MMP26: variants seen among roughly 807,000 people sequenced by gnomAD.
MMP26 encodes matrix metallopeptidase 26, also known as matrix metalloproteinase-26.
MMP26 carries 33 observed loss-of-function variants against 31.0 expected under a neutral mutation model. The observed-to-expected ratio is 1.06, with a 90% CI of 0.81 to 1.42. The LOEUF is 1.42. Ranked by LOEUF, MMP26 falls within the 40% of genes most tolerant of loss-of-function variation. MMP26 has a pLI of 0.00. For synonymous variants in MMP26, 122 were observed against 114.9 expected, an observed-to-expected ratio of 1.06 and a Z score of -0.40; for missense variants, 347 against 316.1, an observed-to-expected ratio of 1.10 and a Z score of -0.74.
At chr11:4,719,587 C>A (rs1847983988) in intron 1 of MMP26, 1 of 152,318 alleles carries the variant, frequency 6.6e-6, no homozygotes, top group South Asian at 2.1e-4. Context: ...TTTTTCTAGT[C>A]TTTGTCATTT....
intron 2 of MMP26, among the ~76,000 whole-genome samples, chr11:4,826,933 A>G (rs12787796): frequency 0.1 from 15,939 of 152,166 alleles, 1,024 homozygotes; most frequent in Middle Eastern, 0.17. Flanking sequence ...CCTTTTTCCC[A>G]TTGCTGAAAG....
intron 2 of MMP26, among the ~76,000 whole-genome samples, chr11:4,822,954 A>G (rs558036637): frequency 2.6e-5 from 4 of 152,174 alleles, no homozygotes; most frequent in Non-Finnish European, 5.9e-5. Flanking sequence ...TGTTAGCTGA[A>G]GAGTTAAAAG....
intron 2 of MMP26, among the ~76,000 whole-genome samples, chr11:4,979,075 T>C (rs1414444337): frequency 1.3e-5 from 2 of 152,048 alleles, no homozygotes; most frequent in Non-Finnish European, 2.9e-5. Context: ...AGCTAAAACC[T>C]TCAGACATGA....
chr11:4,990,680 A>T lies in MMP26; in HGVS notation c.403A>T (p.Thr135Ser), dbSNP rs796882465. The change falls in exon 5 of 8, where the codon ACC becomes TCC. Residue 135 changes from threonine (T) to serine (S), a missense_variant. Physicochemically the swap from Thr to Ser is moderately conservative, Grantham distance 58. Coordinates refer to ENST00000380390, the MANE Select transcript of MMP26 (RefSeq NM_021801.5). ...TGCAGTTTCCATCTGGAGCAATGTGACCCCTTTGATATTCCAGCAAGTGCA... is the reference window on the plus strand; with the variant it reads ...TGCAGTTTCCATCTGGAGCAATGTGTCCCCTTTGATATTCCAGCAAGTGCA... Reference protein sequence around the residue: ...YNAVSIWSNVTPLIFQQVQNG... With the variant: ...YNAVSIWSNVSPLIFQQVQNG... 2 of 1,614,066 alleles carry T rather than the reference A, an allele frequency of 1.2e-6. No homozygotes were observed. The highest frequency in any genetic ancestry group is 1.6e-4 in the Middle Eastern group (1 of 6,062).
At chr11:4,768,525 T>C (rs1464398682) in intron 2 of MMP26, among the ~76,000 whole-genome samples, 1 of 152,216 alleles carries the variant, frequency 6.6e-6, no homozygotes, top group Non-Finnish European at 1.5e-5. Context: ...GCATAGCATT[T>C]GAGATACAGA....
At chr11:4,991,915 T>C (rs1032667718) in intron 6 of MMP26, 49 bp from the exon 7 acceptor site, 13 of 1,455,928 alleles carry the variant, frequency 8.9e-6, no homozygotes, top group South Asian at 2.9e-5. Context: ...ACTTTCAGCA[T>C]TCCCTATGCA....
intron 2 of MMP26, among the ~76,000 whole-genome samples, chr11:4,987,156 A>C (rs542244643): frequency 1.3e-5 from 2 of 151,914 alleles, no homozygotes; most frequent in African/African-American, 4.8e-5. Context: ...TGCTGGGATT[A>C]CAGGTGTGAG....
intron 2 of MMP26, chr11:4,804,163 T>C: frequency 6.2e-7 from 1 of 1,614,032 alleles, no homozygotes; most frequent in Non-Finnish European, 8.5e-7. Context: ...GAGGACCAGG[T>C]CAGTGATGGC....
intron 2 of MMP26, chr11:4,924,372 T>A: frequency 6.5e-7 from 1 of 1,549,660 alleles, no homozygotes; most frequent in Non-Finnish European, 8.7e-7. Context: ...AAACCTGGAA[T>A]ATAGAATGAG....
chr11:4,958,436 A>G (rs970959446), intron 2 of MMP26, among the ~76,000 whole-genome samples: 3 of 152,140 alleles, frequency 2.0e-5, no homozygotes, highest in Admixed American at 6.6e-5. Context: ...TTTATTTTCT[A>G]TAGAACAAGT....
intron 2 of MMP26, chr11:4,793,831 C>T (rs540709030): frequency 3.9e-4 from 59 of 152,170 alleles, no homozygotes; most frequent in African/African-American, 1.4e-3. Context: ...CTCTTTACCC[C>T]ACAGGTGATG....
chr11:4,772,953 T>C (rs12272571), intron 2 of MMP26, among the ~76,000 whole-genome samples: 3,096 of 152,292 alleles, frequency 0.02, 96 homozygotes, highest in African/African-American at 0.07. Flanking sequence ...ATGGGTTCAA[T>C]TGAAGCACTA....
chr11:4,957,387 A>G (rs781579253), intron 2 of MMP26, among the ~76,000 whole-genome samples: 5 of 152,196 alleles, frequency 3.3e-5, no homozygotes, highest in East Asian at 1.9e-4. Context: ...AATTGGCATT[A>G]TTCTACAAAG....
At chr11:4,723,699 C>T in intron 1 of MMP26, 1 of 976,978 alleles carries the variant, frequency 1.0e-6, no homozygotes, top group Non-Finnish European at 1.7e-6. Context: ...CAAGCTTCAG[C>T]TTCTCCTGGC....
intron 2 of MMP26, among the ~76,000 whole-genome samples, chr11:4,880,631 C>T (rs1049102006): frequency 2.6e-5 from 4 of 152,072 alleles, no homozygotes; most frequent in Non-Finnish European, 5.9e-5. Context: ...AGATTAAAAA[C>T]GTGCATTCCC....
At chr11:4,822,069 C>T in intron 2 of MMP26, 2 of 1,613,580 alleles carry the variant, frequency 1.2e-6, no homozygotes, top group Non-Finnish European at 1.7e-6. Flanking sequence ...GCCCTTGCAT[C>T]CTGCTCTCCT....
At chr11:4,982,070 A>G (rs1846821689) in intron 2 of MMP26, among the ~76,000 whole-genome samples, 1 of 151,482 alleles carries the variant, frequency 6.6e-6, no homozygotes, top group Admixed American at 6.6e-5. Context: ...ATGTATGTAT[A>G]TATATATATA....
chr11:4,889,509 A>C (rs1448056034), intron 2 of MMP26: 2 of 152,188 alleles, frequency 1.3e-5, no homozygotes, highest in Non-Finnish European at 2.9e-5. Flanking sequence ...AAGACAAATA[A>C]TGGTAAATAA....
At chr11:4,723,047 A>T in intron 1 of MMP26, 1 of 1,119,370 alleles carries the variant, frequency 8.9e-7, no homozygotes, top group South Asian at 1.2e-5. Flanking sequence ...GGCCAGTTTG[A>T]CTTTCATCAG....
Sources: gnomAD v4.1 joint callset for allele counts (sites outside exome capture counted in the v4.1 genomes callset) on GRCh38, gnomAD v4.1.1 for gene constraint, MANE v1.5 for transcripts, NCBI Gene and HGNC (gene_info 2026-07-23, HGNC 2026-07-21) for gene names.